The following KCND3 variants were observed in gnomAD, a reference collection of about 807,000 sequenced individuals.
The protein encoded by KCND3 is A-type voltage-gated potassium channel KCND3.
In KCND3, 9 loss-of-function variants were observed where a neutral mutation model predicts 51.1. That is an observed-to-expected ratio of 0.18 (90% CI 0.11 to 0.31). The LOEUF (loss-of-function observed/expected upper bound fraction) is 0.31. KCND3 is among the 10% of genes least tolerant of loss of function. The pLI is 1.00. For missense variants in KCND3, 526 were observed against 903.8 expected (o/e 0.58, Z 5.36); for synonymous variants, 349 against 368.0 (o/e 0.95, Z 0.59).
At chr1:111,949,974 G>A (rs1023777262) in intron 2 of KCND3, among the ~76,000 whole-genome samples, 1 of 152,190 alleles carries the variant, frequency 6.6e-6, no homozygotes, top group Non-Finnish European at 1.5e-5. Flanking sequence ...GCAGTGGCCC[G>A]ATCTCAGCTC....
At chr1:111,822,772 G>A (rs1042252515) in intron 2 of KCND3, among the ~76,000 whole-genome samples, 2 of 152,178 alleles carry the variant, frequency 1.3e-5, no homozygotes, top group African/African-American at 4.8e-5. Context: ...GTAAGCTTAT[G>A]TTTAATTTTT....
intron 2 of KCND3, among the ~76,000 whole-genome samples, chr1:111,848,974 C>T (rs1189213243): frequency 6.6e-6 from 1 of 152,152 alleles, no homozygotes; most frequent in Non-Finnish European, 1.5e-5. Flanking sequence ...TCCCCCAGTT[C>T]TCTCCTGCCC....
chr1:111,787,658 G>A (rs76368436), intron 2 of KCND3, among the ~76,000 whole-genome samples: 1,768 of 152,278 alleles, frequency 0.012, 27 homozygotes, highest in African/African-American at 0.04. Context: ...GCCATGGGGA[G>A]GAATATGGGT....
chr1:111,880,061 G>A (rs1571786601), intron 2 of KCND3, among the ~76,000 whole-genome samples: 1 of 152,160 alleles, frequency 6.6e-6, no homozygotes, highest in Admixed American at 6.5e-5. Flanking sequence ...TGTAGTGAAT[G>A]GTTAACCTAT....
intron 2 of KCND3, among the ~76,000 whole-genome samples, chr1:111,942,610 C>G (rs1672579401): frequency 6.6e-6 from 1 of 152,238 alleles, no homozygotes; most frequent in Admixed American, 6.5e-5. Context: ...ATAACCAACT[C>G]ACTACACCCA....
chr1:111,918,874 C>A (rs1426782821), intron 2 of KCND3, among the ~76,000 whole-genome samples: 2 of 151,894 alleles, frequency 1.3e-5, no homozygotes, highest in Non-Finnish European at 2.9e-5. Context: ...GATTTTGCCA[C>A]CTAATGAATG....
At chr1:111,796,589 G>C (rs924721308) in intron 2 of KCND3, among the ~76,000 whole-genome samples, 3 of 152,172 alleles carry the variant, frequency 2.0e-5, no homozygotes, top group Admixed American at 2.0e-4. Flanking sequence ...AGAACACATG[G>C]ACACATAGAG....
intron 2 of KCND3, among the ~76,000 whole-genome samples, chr1:111,823,556 A>G (rs1439143354): frequency 6.6e-6 from 1 of 152,186 alleles, no homozygotes; most frequent in Non-Finnish European, 1.5e-5. Context: ...ACACTGTCCA[A>G]TCTGAAGAGC....
rs1383186428 is a variant in KCND3 at position 111,772,198 on chromosome 1, A to G, written c.*3879T>C. 2 of 152,200 alleles carry G rather than the reference A, an allele frequency of 1.3e-5. No homozygotes were observed. The highest frequency in any genetic ancestry group is 2.9e-5 in the Non-Finnish European group (2 of 68,032). 9.4% of individuals were successfully genotyped at this position (152,200 alleles called of 1,614,324 possible). A position where few individuals can be genotyped will look rare whatever the true frequency, so the allele number is the denominator to read the frequency against. On this transcript the variant is annotated 3_prime_UTR_variant, in exon 8 of 8. Coordinates refer to ENST00000302127, the MANE Select transcript of KCND3 (RefSeq NM_001378969.1). ...CCTACTACCATCACAGACTGTCATA[A>G]GAACCACAAGGAGTATAAAAGGTAT...
chr1:111,918,331 G>A (rs1439201925), intron 2 of KCND3, among the ~76,000 whole-genome samples: 1 of 152,226 alleles, frequency 6.6e-6, no homozygotes, highest in Non-Finnish European at 1.5e-5. Context: ...GCTCGGAAGA[G>A]ACCTGGAAAC....
At chr1:111,847,070 A>C (rs919411698) in intron 2 of KCND3, among the ~76,000 whole-genome samples, 20 of 152,194 alleles carry the variant, frequency 1.3e-4, no homozygotes, top group Non-Finnish European at 2.9e-5. Flanking sequence ...ACCTACAAAG[A>C]GGGGAAGGCA....
At chr1:111,881,104 G>A (rs1006443807) in intron 2 of KCND3, among the ~76,000 whole-genome samples, 1 of 152,174 alleles carries the variant, frequency 6.6e-6, no homozygotes, top group Non-Finnish European at 1.5e-5. Flanking sequence ...TTTAGAGAAA[G>A]GGGCGGCCCC....
chr1:111,799,420 G>A (rs1379951474), intron 2 of KCND3, among the ~76,000 whole-genome samples: 2 of 152,224 alleles, frequency 1.3e-5, no homozygotes, highest in Non-Finnish European at 2.9e-5. Flanking sequence ...AACAAATGGA[G>A]TTTCTAGAAG....
chr1:111,956,756 G>A (rs1673364093), intron 2 of KCND3, among the ~76,000 whole-genome samples: 2 of 152,022 alleles, frequency 1.3e-5, no homozygotes, highest in African/African-American at 2.4e-5. Flanking sequence ...CTGGAACACC[G>A]TCTCTCCTGG....
chr1:111,794,823 C>T (rs1664986930), intron 2 of KCND3, among the ~76,000 whole-genome samples: 1 of 152,220 alleles, frequency 6.6e-6, no homozygotes, highest in South Asian at 2.1e-4. Context: ...CATGAGTAGA[C>T]ACTATTATTA....
intron 2 of KCND3, among the ~76,000 whole-genome samples, chr1:111,805,830 A>AT (rs1156929852): frequency 2.0e-5 from 3 of 152,224 alleles, no homozygotes; most frequent in African/African-American, 7.2e-5. Context: ...GGGACAAGTA[A>AT]TTACAGAAGG....
Position 111,776,246 on chromosome 1 carries a change from C to G in KCND3, c.1799G>C (p.Gly600Ala), listed in dbSNP as rs2101452482. The change falls in exon 8 of 8, where the codon GGA (glycine) becomes GCA (alanine). Residue 600 changes from glycine to alanine, a missense_variant. Transcript: ENST00000302127. ...GGATGTTTTGCAGTTTGGTCTCAGTCCGTCGTCTGCTTTCAAATTAAGGCT... is the reference window on the plus strand; with the variant it reads ...GGATGTTTTGCAGTTTGGTCTCAGTGCGTCGTCTGCTTTCAAATTAAGGCT... ...RSSLNLKADD[G>A]LRPNCKTSQI... The G allele has an allele frequency of 6.2e-7, 1 of 1,614,116 alleles. No homozygotes were observed. The highest frequency in any genetic ancestry group is 1.1e-5 in the South Asian group (1 of 91,076).
chr1:111,946,552 C>A (rs903969088), intron 2 of KCND3, among the ~76,000 whole-genome samples: 2 of 152,188 alleles, frequency 1.3e-5, no homozygotes, highest in Non-Finnish European at 2.9e-5. Context: ...CAGGGCCTGC[C>A]AGGATCACTC....
intron 2 of KCND3, among the ~76,000 whole-genome samples, chr1:111,852,437 T>C (rs184185403): frequency 2.9e-4 from 44 of 152,330 alleles, no homozygotes; most frequent in African/African-American, 1.0e-3. Flanking sequence ...ACAGGCGTCA[T>C]CTACATAAGC....
Sources: allele counts gnomAD v4.1 joint callset (sites outside exome capture counted in the v4.1 genomes callset), GRCh38; gene constraint gnomAD v4.1.1; transcripts MANE v1.5; gene names NCBI Gene and HGNC (gene_info 2026-07-23, HGNC 2026-07-21).